SLC39A11: variants seen among roughly 807,000 people sequenced by gnomAD.
The protein encoded by SLC39A11 is zinc transporter ZIP11.
Under a neutral mutation model 36.1 loss-of-function variants are expected in SLC39A11, and 33 were observed. That is an observed-to-expected ratio of 0.91 (90% CI 0.69 to 1.22). The LOEUF is 1.22. Among genes scored for constraint, SLC39A11 ranks in the 50% most tolerant of loss-of-function variants. The probability of loss-of-function intolerance (pLI) is 0.00; values close to 1 mark genes in which losing one functional copy is unlikely to be tolerated. For synonymous variants in SLC39A11, 166 were observed against 170.3 expected (o/e 0.97, Z 0.20); for missense variants, 432 against 430.3 (o/e 1.00, Z -0.03).
In SLC39A11 at chr17:72,704,034, A is replaced by G. The variant is rs111519000; in HGVS notation, c.671+32616T>C. Reference sequence around the variant, plus strand: ...TCTCAGCTACTTGGGAGGCTGAGCCATGAGAACCACTCGAACCTGGGAGGT... The same window carrying G: ...TCTCAGCTACTTGGGAGGCTGAGCCGTGAGAACCACTCGAACCTGGGAGGT... On this transcript the variant is annotated intron_variant, in intron 7 of 9. Transcript: ENST00000255559. Among the ~76,000 whole-genome samples the G allele has an allele frequency of 2.2e-4, 33 of 152,350 alleles. 1 individual carries two copies. The highest frequency in any genetic ancestry group is 7.7e-4 in the African/African-American group (32 of 41,594).
At chr17:72,851,660 C>T (rs2079334837) in intron 5 of SLC39A11, among the ~76,000 whole-genome samples, 1 of 152,204 alleles carries the variant, frequency 6.6e-6, no homozygotes, top group African/African-American at 2.4e-5. Flanking sequence ...TCACAAGCGG[C>T]TGAGCTTCAA....
rs570665249 is a variant in SLC39A11, at chr17:72,915,700, G to A, written c.430+32052C>T. ...GGAATCCTGGCAGTGGGCGAAAGCCGAGCCAGTCTGACAATAACCACAAAC... is the reference window on the plus strand; with the variant it reads ...GGAATCCTGGCAGTGGGCGAAAGCCAAGCCAGTCTGACAATAACCACAAAC... On this transcript the variant is annotated intron_variant, in intron 5 of 9. Transcript: ENST00000255559. 3.3e-5 allele frequency among the ~76,000 whole-genome samples: 5 copies of A among 152,314 alleles called. No individual in the cohort carries two copies. In the South Asian group the frequency reaches 6.2e-4, roughly 19 times the overall value.
At chr17:72,667,617 C>T (rs946117344) in intron 7 of SLC39A11, among the ~76,000 whole-genome samples, 1 of 152,158 alleles carries the variant, frequency 6.6e-6, no homozygotes, top group Non-Finnish European at 1.5e-5. Flanking sequence ...TTTGCATATG[C>T]TACCAATGCT....
chr17:73,011,093 T>TA (rs2090484354), intron 4 of SLC39A11, among the ~76,000 whole-genome samples: 1 of 74,346 alleles, frequency 1.3e-5, no homozygotes, highest in Non-Finnish European at 3.5e-5. Context: ...GGCACACAGG[T>TA]GATGACAGCC....
At chr17:72,754,055 C>CAG in intron 6 of SLC39A11, among the ~76,000 whole-genome samples, 1 of 25,706 alleles carries the variant, frequency 3.9e-5, no homozygotes, top group African/African-American at 1.1e-4. Context: ...TACACATACA[C>CAG]ACACACACAC....
chr17:72,665,528 T>A (rs2070716153), intron 7 of SLC39A11, among the ~76,000 whole-genome samples: 1 of 150,966 alleles, frequency 6.6e-6, no homozygotes, highest in African/African-American at 2.4e-5. Context: ...GACCAAGGCA[T>A]GTGCTACCAG....
intron 3 of SLC39A11, among the ~76,000 whole-genome samples, chr17:73,082,517 AAG>A (rs2060578010): frequency 1.3e-5 from 2 of 152,056 alleles, no homozygotes; most frequent in Non-Finnish European, 2.9e-5. Flanking sequence ...AACATAAGGA[AAG>A]AGAAAATGTG....
chr17:73,076,707 G>A (rs1232714947), intron 3 of SLC39A11, among the ~76,000 whole-genome samples: 1 of 152,080 alleles, frequency 6.6e-6, no homozygotes, highest in Non-Finnish European at 1.5e-5. Context: ...CTCACTACGT[G>A]TGCCTAATAC....
At chr17:72,923,433 T>C (rs1370855996) in intron 5 of SLC39A11, among the ~76,000 whole-genome samples, 1 of 151,992 alleles carries the variant, frequency 6.6e-6, no homozygotes, top group Non-Finnish European at 1.5e-5. Context: ...CACTGAGATG[T>C]GGGATTGCAT....
At chr17:72,705,170 T>C (rs1013446178) in intron 7 of SLC39A11, among the ~76,000 whole-genome samples, 1 of 152,204 alleles carries the variant, frequency 6.6e-6, no homozygotes, top group African/African-American at 2.4e-5. Flanking sequence ...TGTTTCTGTG[T>C]CTTGCAAATG....
chr17:72,650,927 A>G (rs2069822316), intron 7 of SLC39A11, among the ~76,000 whole-genome samples: 1 of 152,200 alleles, frequency 6.6e-6, no homozygotes, highest in African/African-American at 2.4e-5. Context: ...GCCTCTAACA[A>G]AGAACACCAA....
chr17:72,998,099 C>T (rs564917889), intron 4 of SLC39A11, among the ~76,000 whole-genome samples: 5 of 152,216 alleles, frequency 3.3e-5, no homozygotes, highest in South Asian at 4.1e-4. Context: ...ATGAAAAAGG[C>T]GTTAAATTTA....
chr17:72,788,206 C>T (rs1444919674), intron 6 of SLC39A11, among the ~76,000 whole-genome samples: 1 of 152,216 alleles, frequency 6.6e-6, no homozygotes, highest in African/African-American at 2.4e-5. Context: ...TTACTCCATA[C>T]ATCCTGGACC....
intron 5 of SLC39A11, among the ~76,000 whole-genome samples, chr17:72,918,692 C>T (rs951524070): frequency 1.3e-5 from 2 of 152,210 alleles, no homozygotes; most frequent in Admixed American, 6.5e-5. Flanking sequence ...TGTTATAAAA[C>T]ACATTTATAA....
At chr17:72,997,450 G>C (rs754547936) in intron 4 of SLC39A11, among the ~76,000 whole-genome samples, 1 of 151,864 alleles carries the variant, frequency 6.6e-6, no homozygotes, top group Non-Finnish European at 1.5e-5. Flanking sequence ...ATGGGGTTTC[G>C]CCATGTTGGC....
intron 6 of SLC39A11, among the ~76,000 whole-genome samples, chr17:72,849,150 C>G (rs2079181379): frequency 6.6e-6 from 1 of 152,168 alleles, no homozygotes; most frequent in Admixed American, 6.5e-5. Context: ...TCATCCTCAT[C>G]CTCTTCACAT....
intron 6 of SLC39A11, among the ~76,000 whole-genome samples, chr17:72,759,623 G>A (rs1394919143): frequency 6.6e-6 from 1 of 152,178 alleles, no homozygotes; most frequent in Non-Finnish European, 1.5e-5. Context: ...TAAGCCACAT[G>A]TTTGGCCATT....
chr17:73,061,005 A>T (rs9913979), intron 3 of SLC39A11, among the ~76,000 whole-genome samples: 16,838 of 152,222 alleles, frequency 0.11, 1,107 homozygotes, highest in Non-Finnish European at 0.15. Context: ...AGGCTCACGG[A>T]AAAGATTCTG....
At chr17:72,943,259 C>T (rs1387249700) in intron 5 of SLC39A11, among the ~76,000 whole-genome samples, 1 of 152,162 alleles carries the variant, frequency 6.6e-6, no homozygotes, top group Non-Finnish European at 1.5e-5. Flanking sequence ...AAGACCATTT[C>T]CACAGGAAGA....
Sources: allele counts gnomAD v4.1 joint callset (sites outside exome capture counted in the v4.1 genomes callset), GRCh38; gene constraint gnomAD v4.1.1; transcripts MANE v1.5; gene names NCBI Gene and HGNC (gene_info 2026-07-23, HGNC 2026-07-21).